The following DVL2 variants were observed in gnomAD, a reference collection of about 807,000 sequenced individuals.
DVL2 encodes dishevelled segment polarity protein 2.
A neutral mutation model predicts 69.8 loss-of-function variants in DVL2; 38 were observed. The ratio of observed to expected loss-of-function variants is 0.54; its 90% CI spans 0.42 to 0.71. The LOEUF (loss-of-function observed/expected upper bound fraction) is 0.71, where lower values mean the gene tolerates loss of function less well. Ranked by LOEUF, DVL2 falls within the 30% of genes least tolerant of loss-of-function variation. The pLI is 0.00. For synonymous variants in DVL2, 428 were observed against 392.4 expected (o/e 1.09, Z -1.07); for missense variants, 931 against 1,008.1 (o/e 0.92, Z 1.04).
Position 7,226,192 on chromosome 17 carries a change from C to T in DVL2, c.1884G>A (p.Gly628=), listed in dbSNP as rs1567571510. The T allele has an allele frequency of 6.2e-7, 1 of 1,612,486 alleles. No homozygotes were observed. Among genetic ancestry groups the T allele is most frequent in the African/African-American group, 1.3e-5 (1 of 75,040 alleles). ...CTTCCCCACCCCGCCGAAGGCTGCC[C>T]CCTCGGCTGGAGGGCTCAGACTCAC... The part of the protein sequence containing the change: ...SGSESEPSSR[G]GSLRRGGEAS... Residue 628 remains glycine, a synonymous_variant, in exon 15 of 15, where the codon GGG becomes GGA. Coordinates refer to ENST00000005340, the MANE Select transcript of DVL2 (RefSeq NM_004422.3).
In DVL2 at chr17:7,227,187, C is replaced by A. The variant is rs374442118; in HGVS notation, c.1446G>T (p.Leu482=). The part of the protein sequence containing the change: ...RREARKYASG[L]LKAGLIRHTV... ...TGTGTCGGATCAGGCCTGCTTTGAG[C>A]AGCCCGCTGGCATACTTGCGGGCCT... Residue 482 remains leucine, a synonymous_variant, in exon 13 of 15, where the codon CTG becomes CTT. Coordinates refer to ENST00000005340, the MANE Select transcript of DVL2 (RefSeq NM_004422.3). 6 of 1,613,886 alleles carry A rather than the reference C, an allele frequency of 3.7e-6. No individual in the cohort carries two copies. Among genetic ancestry groups the A allele is most frequent in the Admixed American group, 3.3e-5 (2 of 60,010 alleles).
rs1182540696 is a variant in DVL2, at chr17:7,225,512, G to A, written c.*353C>T. ...CAACCCTGCAAAGGGCAGGGCTGTG[G>A]GTAACTGGAGGAGGAGGTCACATTC... is the stretch of plus-strand genomic sequence containing the variant. On this transcript the variant is annotated 3_prime_UTR_variant, in exon 15 of 15. Coordinates refer to ENST00000005340, the MANE Select transcript of DVL2 (RefSeq NM_004422.3). The A allele has an allele frequency of 1.7e-5, 7 of 418,226 alleles. No homozygotes were observed. Among genetic ancestry groups the A allele is most frequent in the Admixed American group, 4.2e-5 (1 of 23,856 alleles). The allele number at this position is 418,226 out of a possible 1,614,324, so 25.9% of individuals were successfully genotyped here.
Position 7,234,505 on chromosome 17 carries a change from C to T in DVL2, c.-243G>A. Reference sequence around the variant, plus strand: ...CCACCGCCACCGACGCCGCGAGCTTCCTCCAGGTACCCGCCCACCTCTCCT... The same window carrying T: ...CCACCGCCACCGACGCCGCGAGCTTTCTCCAGGTACCCGCCCACCTCTCCT... On this transcript the variant is annotated 5_prime_UTR_variant, in exon 1 of 15. Coordinates refer to ENST00000005340, the MANE Select transcript of DVL2 (RefSeq NM_004422.3). 7.5e-6 allele frequency: 4 copies of T among 530,304 alleles called. No individual in the cohort carries two copies. The highest frequency in any genetic ancestry group is 2.5e-5 in the South Asian group (1 of 40,578). The allele number at this position is 530,304 out of a possible 1,614,324, so 32.8% of individuals were successfully genotyped here.
At chr17:7,232,299 G>C (rs117008527) in intron 1 of DVL2, among the ~76,000 whole-genome samples, 2 of 152,030 alleles carry the variant, frequency 1.3e-5, no homozygotes, top group East Asian at 1.9e-4. Flanking sequence ...TAATTAACCC[G>C]TTAGCCTAAT....
intron 13 of DVL2, 166 bp downstream of exon 13, chr17:7,226,924 T>G (rs1597545398): frequency 1.4e-6 from 1 of 715,968 alleles, no homozygotes; most frequent in South Asian, 1.9e-5. Flanking sequence ...AGCACATGGG[T>G]GGACGTCAGC....
intron 13 of DVL2, 33 bp from the exon 14 acceptor site, chr17:7,226,672 T>C: frequency 1.4e-6 from 2 of 1,461,326 alleles, no homozygotes; most frequent in Admixed American, 4.6e-5. Flanking sequence ...AAGAAATCAC[T>C]GCTTCAAGAG....
At position 7,230,161 on chromosome 17, in the gene DVL2, C is replaced by A; in HGVS notation, c.411-6G>T. The A allele has an allele frequency of 1.2e-6, 2 of 1,613,530 alleles. No individual in the cohort carries two copies. The highest frequency in any genetic ancestry group is 1.7e-5 in the Admixed American group (1 of 59,980). ...GGCTGCTGGACACATTAGGGCTGGA[C>A]AGGCAGAGATGGTTTCCAACCCACA... On this transcript the variant is annotated splice_polypyrimidine_tract_variant and splice_region_variant and intron_variant, in intron 3 of 14. Transcript: ENST00000005340.
intron 1 of DVL2, 136 bp from the exon 2 acceptor site, chr17:7,230,933 T>A (rs752527871): frequency 1.7e-6 from 1 of 592,086 alleles, no homozygotes; most frequent in African/African-American, 1.9e-5. Context: ...TCTCTTACAT[T>A]GAAAGAACTC....
Position 7,226,246 on chromosome 17 carries a change from C to T in DVL2, c.1830G>A (p.Arg610=). ...GAGRTGRPEE[R]APESKSGSGS... is the part of the protein sequence containing the mutation. ...CACTGCCGGACTTGGACTCGGGGGC[C>T]CGCTCCTCGGGCCTCCCCGTGCGCC... is the stretch of plus-strand genomic sequence containing the variant. Residue 610 remains arginine, a synonymous_variant, in exon 15 of 15, where the codon CGG becomes CGA. Coordinates refer to ENST00000005340, the MANE Select transcript of DVL2 (RefSeq NM_004422.3). 1 of 1,611,258 alleles carries T rather than the reference C, an allele frequency of 6.2e-7. No homozygotes were observed.
Position 7,234,484 on chromosome 17 carries a change from C to G in DVL2, c.-222G>C, listed in dbSNP as rs1478775741. On this transcript the variant is annotated 5_prime_UTR_variant, in exon 1 of 15. Transcript: ENST00000005340. ...GGTCTCAGCGGCCGCCGCGCGCCAC[C>G]GCCACCGACGCCGCGAGCTTCCTCC... 1.8e-6 allele frequency: 1 copy of G among 545,808 alleles called. No homozygotes were observed. The highest frequency in any genetic ancestry group is 3.1e-6 in the Non-Finnish European group (1 of 318,302). The allele number at this position is 545,808 out of a possible 1,614,324, so 33.8% of individuals were successfully genotyped here. A position where few individuals can be genotyped will look rare whatever the true frequency, so the allele number is the denominator to read the frequency against.
intron 1 of DVL2, among the ~76,000 whole-genome samples, chr17:7,232,817 C>T (rs751429619): frequency 3.9e-5 from 6 of 152,036 alleles, no homozygotes; most frequent in African/African-American, 7.3e-5. Context: ...GGGCCGGGCG[C>T]GGTGGCTCAC....
At chr17:7,227,007 G>C in intron 13 of DVL2, 83 bp downstream of exon 13, 4 of 1,398,382 alleles carry the variant, frequency 2.9e-6, no homozygotes, top group Non-Finnish European at 3.9e-6. Flanking sequence ...CCCTGGCTGC[G>C]GTTTCTGGGC....
rs914432656 is a variant in DVL2, at chr17:7,227,483, C to T, written c.1284G>A (p.Lys428=). Residue 428 remains lysine (K), a synonymous_variant, in exon 12 of 15, where the codon AAG becomes AAA. Coordinates refer to ENST00000005340, the MANE Select transcript of DVL2 (RefSeq NM_004422.3). ...SVHTDMASVT[K]AMAAPESGLE... ...GTCCAGACTCTGGAGCTGCCATGGC[C>T]TTGGTCACCGATGCCATGTCCGTAT... 9 of 1,614,104 alleles carry T rather than the reference C, an allele frequency of 5.6e-6. No individual in the cohort carries two copies. Among genetic ancestry groups the T allele is most frequent in the Non-Finnish European group, 7.6e-6 (9 of 1,180,052 alleles).
chr17:7,229,739 A>G lies in DVL2; in HGVS notation c.657-61T>C. 1.3e-6 allele frequency: 2 copies of G among 1,582,706 alleles called. No homozygotes were observed. Among genetic ancestry groups the G allele is most frequent in the Non-Finnish European group, 1.7e-6 (2 of 1,160,600 alleles). On this transcript the variant is annotated intron_variant, in intron 5 of 14. Coordinates refer to ENST00000005340, the MANE Select transcript of DVL2 (RefSeq NM_004422.3). The surrounding 1 kb of genome is among the most constrained non-coding windows in gnomAD (Gnocchi z 4.4). The stretch of plus-strand genomic sequence containing the variant: ...CAAAGTGGTCATGGGGCCAAGAGAA[A>G]GAACAAGAGGATTGACTGGAAGACG...
Position 7,234,325 on chromosome 17 carries a change from C to A in DVL2, c.-63G>T. 6.5e-7 allele frequency: 1 copy of A among 1,543,940 alleles called. No homozygotes were observed. Among genetic ancestry groups the A allele is most frequent in the Non-Finnish European group, 8.8e-7 (1 of 1,141,382 alleles). ...CAAAGGGCTAATGGCCCCTGCCGCG[C>A]CTGCGCACACCCGCAAACCGACGCG... is the stretch of plus-strand genomic sequence containing the variant. On this transcript the variant is annotated 5_prime_UTR_variant, in exon 1 of 15. Coordinates refer to ENST00000005340, the MANE Select transcript of DVL2 (RefSeq NM_004422.3).
At position 7,234,282 on chromosome 17, in the gene DVL2, C is replaced by T. The variant is rs1421156050; in HGVS notation, c.-20G>A. On this transcript the variant is annotated 5_prime_UTR_variant, in exon 1 of 15. Coordinates refer to ENST00000005340, the MANE Select transcript of DVL2 (RefSeq NM_004422.3). Reference sequence around the variant, plus strand: ...CGCCATGGTCTCGCCCGCGCGCTCCCGGGCTCCACCGCCCACCCAAAGGGC... The same window carrying T: ...CGCCATGGTCTCGCCCGCGCGCTCCTGGGCTCCACCGCCCACCCAAAGGGC... 1.9e-6 allele frequency: 3 copies of T among 1,600,948 alleles called. No individual in the cohort carries two copies. Among genetic ancestry groups the T allele is most frequent in the Admixed American group, 3.4e-5 (2 of 58,596 alleles).
In DVL2 at chr17:7,229,098, C is replaced by T; in HGVS notation, c.957+37G>A. The T allele has an allele frequency of 1.2e-6, 2 of 1,614,036 alleles. No homozygotes were observed. ...ACACGGTGGGAGAGGCTGAGGGCCC[C>T]CGTGCAGGGCAGCTCAGTGGCCCTA... is the stretch of plus-strand genomic sequence containing the variant. On this transcript the variant is annotated intron_variant, in intron 8 of 14. Transcript: ENST00000005340. This position sits in a 1 kb window ranked among gnomAD's most constrained non-coding sequence, Gnocchi z 4.4.
At chr17:7,233,976 C>T in intron 1 of DVL2, 93 bp downstream of exon 1, 1 of 1,385,798 alleles carries the variant, frequency 7.2e-7, no homozygotes, top group East Asian at 2.3e-5. Context: ...GCCAGAAAAT[C>T]CCAGTGTGGC....
At position 7,227,279 on chromosome 17, in the gene DVL2, C is replaced by T; in HGVS notation, c.1364-10G>A. The T allele has an allele frequency of 1.2e-6, 2 of 1,603,590 alleles. No individual in the cohort carries two copies. Among genetic ancestry groups the T allele is most frequent in the South Asian group, 1.1e-5 (1 of 90,104 alleles). Reference sequence around the variant, plus strand: ...TCAACCACATCCGAGCCTGGGAGCACCCACAGTGGAAAAAGGCCTCAGGTT... The same window carrying T: ...TCAACCACATCCGAGCCTGGGAGCATCCACAGTGGAAAAAGGCCTCAGGTT... On this transcript the variant is annotated splice_polypyrimidine_tract_variant and intron_variant, in intron 12 of 14. Transcript: ENST00000005340.
Sources: allele counts gnomAD v4.1 joint callset (sites outside exome capture counted in the v4.1 genomes callset), GRCh38; gene constraint gnomAD v4.1.1; non-coding constraint Gnocchi (gnomAD v3.1); transcripts MANE v1.5; gene names NCBI Gene and HGNC (gene_info 2026-07-23, HGNC 2026-07-21).